Variants in CCDC192 observed in about 807,000 individuals in gnomAD.
CCDC192 encodes coiled-coil domain-containing protein 192.
At chr5:127,751,770 G>T (rs2126866671) in intron 2 of CCDC192, among the ~76,000 whole-genome samples, 1 of 152,158 alleles carries the variant, frequency 6.6e-6, no homozygotes, top group African/African-American at 2.4e-5. Flanking sequence ...CGTAGATTTG[G>T]TCTTTTCACA....
At chr5:127,735,315 G>C (rs1752908820) in intron 2 of CCDC192, among the ~76,000 whole-genome samples, 1 of 141,356 alleles carries the variant, frequency 7.1e-6, no homozygotes, top group Admixed American at 7.1e-5. Context: ...GTACCATGCT[G>C]TTTTGGTTAC....
chr5:127,920,203 T>C (rs576682505), intron 6 of CCDC192, among the ~76,000 whole-genome samples: 1 of 152,332 alleles, frequency 6.6e-6, no homozygotes, highest in Admixed American at 6.5e-5. Flanking sequence ...GCCAACATTC[T>C]TATTTTACCC....
chr5:127,870,297 C>T (rs192530307), intron 5 of CCDC192, among the ~76,000 whole-genome samples: 39 of 152,306 alleles, frequency 2.6e-4, no homozygotes, highest in African/African-American at 9.1e-4. Flanking sequence ...ATCTTGGCAA[C>T]TCATGCAATA....
At chr5:127,886,354 G>GCC (rs1752558808) in intron 6 of CCDC192, among the ~76,000 whole-genome samples, 1 of 152,104 alleles carries the variant, frequency 6.6e-6, no homozygotes, top group Admixed American at 6.5e-5. Flanking sequence ...GGAAGGAGGA[G>GCC]CCCTCAGTCA....
Position 127,874,802 on chromosome 5 carries a change from T to A in CCDC192, c.412-736T>A, listed in dbSNP as rs544574105. ...CAGACAGCTTCTCCAAAGTTGCAGA[T>A]AAATCCAATTTTAATGAATCAAATC... On this transcript the variant is annotated intron_variant, in intron 5 of 6. Transcript: ENST00000514853. Among the ~76,000 whole-genome samples the A allele has an allele frequency of 2.6e-5, 4 of 152,292 alleles. No individual in the cohort carries two copies. In the South Asian group the frequency reaches 8.3e-4, roughly 32 times the overall value.
At chr5:127,906,124 T>A (rs1012238377) in intron 6 of CCDC192, among the ~76,000 whole-genome samples, 4 of 152,164 alleles carry the variant, frequency 2.6e-5, no homozygotes, top group Non-Finnish European at 5.9e-5. Flanking sequence ...ACCGCCACCA[T>A]CCACCTCCAC....
Position 127,754,375 on chromosome 5 carries a change from G to T in CCDC192, c.222G>T (p.Gln74His), listed in dbSNP as rs1345898001. Reference protein sequence around the residue: ...AEEKAKALSEQLSVSEGTKSK... With the variant: ...AEEKAKALSEHLSVSEGTKSK... ...AAAAGGCTAAAGCTTTATCTGAACA[G>T]GTAACACCTGTCATGGGAACTGGAA... The change falls in exon 3 of 7, where the codon CAG (glutamine) becomes CAT (histidine). Residue 74 changes from glutamine to histidine, a missense_variant and splice_region_variant. Physicochemically the swap from Gln to His is conservative, Grantham distance 24. Transcript: ENST00000514853. 1 of 398,752 alleles carries T rather than the reference G, an allele frequency of 2.5e-6. No homozygotes were observed. Among genetic ancestry groups the T allele is most frequent in the East Asian group, 3.6e-5 (1 of 28,052 alleles). The allele number at this position is 398,752 out of a possible 1,614,324, so 24.7% of individuals were successfully genotyped here. A position where few individuals can be genotyped will look rare whatever the true frequency, so the allele number is the denominator to read the frequency against.
chr5:127,742,810 A>G (rs780371633), intron 2 of CCDC192, among the ~76,000 whole-genome samples: 2 of 152,204 alleles, frequency 1.3e-5, no homozygotes, highest in Admixed American at 6.5e-5. Flanking sequence ...AGTGGAATCA[A>G]TTTGGCTTCA....
intron 3 of CCDC192, chr5:127,786,630 A>G: frequency 1.3e-6 from 1 of 757,974 alleles, no homozygotes; most frequent in Admixed American, 1.7e-5. Context: ...GTGTCTACTG[A>G]GGTAGGCACA....
chr5:127,714,163 G>A (rs1472307630), intron 2 of CCDC192, among the ~76,000 whole-genome samples: 1 of 152,152 alleles, frequency 6.6e-6, no homozygotes, highest in East Asian at 1.9e-4. Context: ...TACTGCAAAT[G>A]GCACAATTTC....
intron 2 of CCDC192, among the ~76,000 whole-genome samples, chr5:127,725,942 T>G (rs1752295419): frequency 6.6e-6 from 1 of 152,210 alleles, no homozygotes; most frequent in Non-Finnish European, 1.5e-5. Flanking sequence ...TGTATTTGTC[T>G]TTCTAGTAGG....
intron 1 of CCDC192, among the ~76,000 whole-genome samples, chr5:127,704,915 T>G (rs1046550262): frequency 6.6e-6 from 1 of 151,914 alleles, no homozygotes; most frequent in Non-Finnish European, 1.5e-5. Context: ...AATTGGTGAC[T>G]AGTCCTCCAA....
intron 6 of CCDC192, among the ~76,000 whole-genome samples, chr5:127,932,365 C>T (rs555561018): frequency 3.8e-4 from 57 of 151,948 alleles, no homozygotes; most frequent in Non-Finnish European, 7.1e-4. Flanking sequence ...CCACCACGCC[C>T]GGCTAATTTT....
chr5:127,705,494 T>C (rs1750910963), intron 1 of CCDC192, among the ~76,000 whole-genome samples: 1 of 152,126 alleles, frequency 6.6e-6, no homozygotes, highest in South Asian at 2.1e-4. Context: ...CGAAGCACAG[T>C]CCTTGTCCTC....
At chr5:127,909,465 G>T (rs950110328) in intron 6 of CCDC192, among the ~76,000 whole-genome samples, 8 of 151,348 alleles carry the variant, frequency 5.3e-5, no homozygotes, top group African/African-American at 1.9e-4. Context: ...TCTTCAAAAT[G>T]GGTTGCATTT....
intron 6 of CCDC192, among the ~76,000 whole-genome samples, chr5:127,903,577 G>T (rs1284572361): frequency 6.6e-6 from 1 of 152,144 alleles, no homozygotes; most frequent in East Asian, 1.9e-4. Context: ...ATTATGGCTG[G>T]ATGATGAAAA....
intron 5 of CCDC192, among the ~76,000 whole-genome samples, chr5:127,801,135 T>G (rs557105810): frequency 6.6e-6 from 1 of 152,200 alleles, no homozygotes; most frequent in Admixed American, 6.5e-5. Flanking sequence ...TGTGATCTGC[T>G]GGCGTGGCAG....
At chr5:127,733,842 C>CT (rs35941519) in intron 2 of CCDC192, among the ~76,000 whole-genome samples, 14,396 of 140,860 alleles carry the variant, frequency 0.1, 968 homozygotes, top group East Asian at 0.28. Context: ...ATTGAAGTTT[C>CT]TTTTTTTTTT....
intron 2 of CCDC192, among the ~76,000 whole-genome samples, chr5:127,743,963 G>A (rs551636325): frequency 2.0e-5 from 3 of 151,758 alleles, no homozygotes; most frequent in Admixed American, 6.6e-5. Context: ...GCATGGTGGC[G>A]GGCGCCTGTA....
Sources: allele counts gnomAD v4.1 joint callset (sites outside exome capture counted in the v4.1 genomes callset), GRCh38; gene constraint gnomAD v4.1.1; transcripts MANE v1.5; gene names NCBI Gene and HGNC (gene_info 2026-07-23, HGNC 2026-07-21).